Variants in CCDC191 observed in about 807,000 individuals in gnomAD.
The protein encoded by CCDC191 is coiled-coil domain-containing protein 191.
Under a neutral mutation model 114.0 loss-of-function variants are expected in CCDC191, and 99 were observed. The ratio of observed to expected loss-of-function variants is 0.87; its 90% confidence interval spans 0.74 to 1.03. CCDC191 has a LOEUF of 1.03. Ranked by LOEUF, CCDC191 falls within the 50% of genes least tolerant of loss-of-function variation. The pLI, the probability that CCDC191 is intolerant of heterozygous loss-of-function variation, is 0.00. For missense variants in CCDC191, 973 were observed against 1,087.0 expected (o/e 0.90, Z 1.47); for synonymous variants, 351 against 376.0 (o/e 0.93, Z 0.77).
At chr3:113,973,776 G>A (rs1345557161) in intron 16 of CCDC191, among the ~76,000 whole-genome samples, 2 of 151,748 alleles carry the variant, frequency 1.3e-5, no homozygotes, top group Admixed American at 6.6e-5. Context: ...GAGAGTTTAG[G>A]TCAAATCTGT....
chr3:114,054,928 T>C (rs1477974103), intron 1 of CCDC191, among the ~76,000 whole-genome samples: 2 of 152,072 alleles, frequency 1.3e-5, no homozygotes, highest in Non-Finnish European at 1.5e-5. Context: ...CCTGATGATT[T>C]GTCATTGGAG....
At chr3:113,988,542 C>G (rs1350074124) in intron 13 of CCDC191, among the ~76,000 whole-genome samples, 1 of 146,342 alleles carries the variant, frequency 6.8e-6, no homozygotes, top group Non-Finnish European at 1.5e-5. Flanking sequence ...AGGAGAATCA[C>G]TTGAACCCAG....
At chr3:114,056,124 C>T (rs991068009) in intron 1 of CCDC191, among the ~76,000 whole-genome samples, 1 of 152,094 alleles carries the variant, frequency 6.6e-6, no homozygotes, top group Non-Finnish European at 1.5e-5. Flanking sequence ...TGGGCATTAG[C>T]AGACACCTCC....
At chr3:114,042,218 C>T (rs962567036) in intron 4 of CCDC191, among the ~76,000 whole-genome samples, 2 of 151,940 alleles carry the variant, frequency 1.3e-5, no homozygotes, top group East Asian at 1.9e-4. Context: ...TCTGCAGATG[C>T]CACATTCTTG....
chr3:113,989,125 T>A (rs2075471749), intron 13 of CCDC191, among the ~76,000 whole-genome samples: 1 of 152,174 alleles, frequency 6.6e-6, no homozygotes, highest in Admixed American at 6.5e-5. Flanking sequence ...TACATGCACC[T>A]AAGAACAAAC....
At chr3:114,044,845 C>T (rs1265360131) in intron 3 of CCDC191, among the ~76,000 whole-genome samples, 1 of 152,172 alleles carries the variant, frequency 6.6e-6, no homozygotes, top group African/African-American at 2.4e-5. Context: ...TGTTAGACCA[C>T]ATGAGAAGTA....
rs1390290334 is a variant in CCDC191, at chr3:113,964,364, A to G, written c.*791T>C. 6.6e-6 allele frequency: 1 copy of G among 152,240 alleles called. No homozygotes were observed. Among genetic ancestry groups the G allele is most frequent in the Admixed American group, 6.5e-5 (1 of 15,280 alleles). The allele number at this position is 152,240 out of a possible 1,614,324, so 9.4% of individuals were successfully genotyped here. On this transcript the variant is annotated 3_prime_UTR_variant, in exon 17 of 17. Coordinates refer to ENST00000295878, the MANE Select transcript of CCDC191 (RefSeq NM_020817.2). ...AAGAGAGCATTTTATCAGTCTTTAT[A>G]GCATCTTAAAGATGAAAACATTCTT...
At chr3:113,980,833 CGAAT>C (rs1559878566) in intron 13 of CCDC191, 40 bp from the exon 14 acceptor site, 3 of 1,550,564 alleles carry the variant, frequency 1.9e-6, no homozygotes, top group Admixed American at 2.0e-5. Flanking sequence ...GATCAAAAAA[CGAAT>C]GAGTTTCATT....
intron 16 of CCDC191, among the ~76,000 whole-genome samples, chr3:113,967,047 C>T (rs534577805): frequency 2.0e-5 from 3 of 151,882 alleles, no homozygotes; most frequent in Admixed American, 2.0e-4. Context: ...TGCAGTGAGC[C>T]GAGATCAAGC....
intron 7 of CCDC191, 45 bp downstream of exon 7, chr3:114,031,581 A>G: frequency 6.6e-7 from 1 of 1,519,134 alleles, no homozygotes; most frequent in Non-Finnish European, 9.1e-7. Context: ...GCTCTTTGTC[A>G]TTTATACTAC....
chr3:114,032,484 T>C (rs1158768544), intron 6 of CCDC191, among the ~76,000 whole-genome samples: 1 of 152,154 alleles, frequency 6.6e-6, no homozygotes. Context: ...TGCACAGGTA[T>C]ATGTATGTGT....
chr3:114,013,336 A>C (rs2076105488), intron 8 of CCDC191, among the ~76,000 whole-genome samples: 2 of 152,354 alleles, frequency 1.3e-5, no homozygotes, highest in Non-Finnish European at 1.5e-5. Flanking sequence ...AGAAGCACAG[A>C]AGCTAGAGAT....
intron 3 of CCDC191, among the ~76,000 whole-genome samples, chr3:114,043,884 G>A (rs1177082282): frequency 5.3e-5 from 8 of 152,072 alleles, no homozygotes; most frequent in Admixed American, 4.6e-4. Flanking sequence ...TATAGGACAT[G>A]AGAGAAAGAA....
chr3:114,047,756 C>T (rs1369386537), intron 2 of CCDC191, among the ~76,000 whole-genome samples: 1 of 152,002 alleles, frequency 6.6e-6, no homozygotes, highest in East Asian at 1.9e-4. Context: ...GGGTGGATCA[C>T]TTGAGGTCGG....
At position 114,031,690 on chromosome 3, in the gene CCDC191, AT is replaced by A; in HGVS notation, c.907del (p.Met303TrpfsTer2). On this transcript the variant is annotated frameshift_variant, in exon 7 of 17. Coordinates refer to ENST00000295878, the MANE Select transcript of CCDC191 (RefSeq NM_020817.2). LOFTEE classifies it high-confidence loss of function. ...CAATTTCCTTTTTCTTTCCTTCACC[AT>A]TTTTTCCTCATCTGGAAGAATGTGA... ...STHILPDEEK[M>X]VKERKRKLKE... is the part of the protein sequence containing the mutation. 6.3e-6 allele frequency: 10 copies of A among 1,597,772 alleles called. No homozygotes were observed. The highest frequency in any genetic ancestry group is 6.9e-6 in the Non-Finnish European group (8 of 1,165,768).
At chr3:113,978,377 G>T in intron 15 of CCDC191, 46 bp from the exon 16 acceptor site, 1 of 1,590,918 alleles carries the variant, frequency 6.3e-7, no homozygotes, top group South Asian at 1.1e-5. Flanking sequence ...AATATCAGTT[G>T]ACAAAGAATT....
intron 13 of CCDC191, among the ~76,000 whole-genome samples, chr3:113,986,563 G>C (rs2075366026): frequency 6.6e-6 from 1 of 152,062 alleles, no homozygotes; most frequent in African/African-American, 2.4e-5. Context: ...CAAAGAAAAA[G>C]TCTTGAAGGT....
At chr3:114,045,362 T>C (rs1344679181) in intron 3 of CCDC191, among the ~76,000 whole-genome samples, 1 of 152,092 alleles carries the variant, frequency 6.6e-6, no homozygotes, top group African/African-American at 2.4e-5. Context: ...ATTCTTCCTA[T>C]ATTTAATTTA....
At chr3:114,030,243 A>T (rs2076385470) in intron 7 of CCDC191, among the ~76,000 whole-genome samples, 1 of 152,190 alleles carries the variant, frequency 6.6e-6, no homozygotes, top group African/African-American at 2.4e-5. Flanking sequence ...TCTAACATTC[A>T]TATTTGGCAG....
Sources: gnomAD v4.1 joint callset for allele counts (sites outside exome capture counted in the v4.1 genomes callset) on GRCh38, gnomAD v4.1.1 for gene constraint, MANE v1.5 for transcripts, NCBI Gene and HGNC (gene_info 2026-07-23, HGNC 2026-07-21) for gene names.